Variants in CEP135 observed in about 807,000 individuals in gnomAD.
CEP135 encodes centrosomal protein of 135 kDa.
In CEP135, 142 loss-of-function variants were observed where a neutral mutation model predicts 157.3. That is an observed-to-expected ratio of 0.90 (90% confidence interval 0.79 to 1.04). CEP135 has a LOEUF of 1.04. Among genes scored for constraint, CEP135 ranks in the 50% least tolerant of loss-of-function variants. CEP135 has a pLI of 0.00. For synonymous variants in CEP135, 396 were observed against 439.8 expected, an observed-to-expected ratio of 0.90 and a Z score of 1.25; for missense variants, 1,317 against 1,309.2, an observed-to-expected ratio of 1.01 and a Z score of -0.09.
intron 24 of CEP135, among the ~76,000 whole-genome samples, chr4:56,022,213 C>T (rs1226029539): frequency 6.6e-6 from 1 of 152,200 alleles, no homozygotes; most frequent in East Asian, 1.9e-4. Context: ...AAATCAAGCT[C>T]TCTATTGCCC....
At chr4:55,967,180 T>TGTAA (rs1728870525) in intron 8 of CEP135, among the ~76,000 whole-genome samples, 1 of 152,122 alleles carries the variant, frequency 6.6e-6, no homozygotes, top group African/African-American at 2.4e-5. Context: ...TTCCTGTAAC[T>TGTAA]GTAAGGTTCA....
chr4:55,980,807 C>T (rs1380570886), intron 12 of CEP135, among the ~76,000 whole-genome samples: 1 of 152,104 alleles, frequency 6.6e-6, no homozygotes. Flanking sequence ...GTTCACATAC[C>T]CATCTCCCAT....
chr4:55,976,593 T>C lies in CEP135; in HGVS notation c.1473+1624T>C, dbSNP rs61112573. On this transcript the variant is annotated intron_variant, in intron 11 of 25. Transcript: ENST00000257287. ...AAACTTTTCTCCCCTTCAACTTATT[T>C]ACATTCTTGAAGTTATAATGGTACC... is the stretch of plus-strand genomic sequence containing the variant. Among the ~76,000 whole-genome samples the C allele has an allele frequency of 7.7e-3, 1,176 of 152,316 alleles. 14 individuals carry two copies. Among genetic ancestry groups the C allele is most frequent in the African/African-American group, 0.024 (1,005 of 41,554 alleles).
chr4:56,021,454 T>A (rs1296882836), intron 24 of CEP135, among the ~76,000 whole-genome samples: 1 of 152,180 alleles, frequency 6.6e-6, no homozygotes, highest in South Asian at 2.1e-4. Context: ...TTGCTTTACG[T>A]TGAAAAATTT....
intron 25 of CEP135, among the ~76,000 whole-genome samples, chr4:56,026,746 T>A (rs1731171537): frequency 6.6e-6 from 1 of 152,274 alleles, no homozygotes; most frequent in Admixed American, 6.5e-5. Flanking sequence ...CAGGATGCAT[T>A]TGACTGAGGA....
intron 25 of CEP135, among the ~76,000 whole-genome samples, chr4:56,029,922 A>G (rs1395285394): frequency 6.6e-6 from 1 of 152,202 alleles, no homozygotes; most frequent in Non-Finnish European, 1.5e-5. Flanking sequence ...GTTCACTGCT[A>G]TAGACTTTAT....
Position 56,008,327 on chromosome 4 carries a change from G to A in CEP135, c.2281G>A (p.Glu761Lys), listed in dbSNP as rs776089289. 6.2e-7 allele frequency: 1 copy of A among 1,606,296 alleles called. No homozygotes were observed. The highest frequency in any genetic ancestry group is 1.7e-5 in the Admixed American group (1 of 59,102). The change falls in exon 18 of 26, where the codon GAA (glutamate) becomes AAA (lysine). Residue 761 changes from glutamate to lysine, a missense_variant and splice_region_variant. Coordinates refer to ENST00000257287, the MANE Select transcript of CEP135 (RefSeq NM_025009.5). ...TTACACATTTTTGTAATTTCTATAG[G>A]AAAAAGCTGTTGCTCAAATGAAGAT... ...ANLQENLANK[E>K]KAVAQMKIMI... is the part of the protein sequence containing the mutation.
At chr4:55,958,958 G>T (rs1577865849) in intron 5 of CEP135, among the ~76,000 whole-genome samples, 1 of 152,144 alleles carries the variant, frequency 6.6e-6, no homozygotes, top group Admixed American at 6.5e-5. Flanking sequence ...GGTGGCATGT[G>T]CCTGTGGTCC....
rs777292803 is a variant in CEP135, at chr4:55,953,170, G to A, written c.199G>A (p.Val67Ile). 6 of 1,608,726 alleles carry A rather than the reference G, an allele frequency of 3.7e-6. No individual in the cohort carries two copies. In the South Asian group the frequency reaches 4.5e-5, roughly 12 times the overall value. The change falls in exon 3 of 26, where the codon GTT (valine) becomes ATT (isoleucine). Residue 67 changes from valine (V) to isoleucine (I), a missense_variant. Transcript: ENST00000257287. The stretch of plus-strand genomic sequence containing the variant: ...AAAAGAAAGTGCCAATTTTGATTTT[G>A]TTTTGGAACCCTATAAACTTGAAAA... ...AEKESANFDF[V>I]LEPYKLENAR...
At chr4:55,959,078 C>G (rs1053887001) in intron 5 of CEP135, among the ~76,000 whole-genome samples, 4 of 151,932 alleles carry the variant, frequency 2.6e-5, no homozygotes, top group Non-Finnish European at 5.9e-5. Context: ...TAGGAAGGCC[C>G]TGTCTCAAAA....
At chr4:55,977,246 T>C (rs1729254564) in intron 11 of CEP135, among the ~76,000 whole-genome samples, 1 of 152,218 alleles carries the variant, frequency 6.6e-6, no homozygotes, top group South Asian at 2.1e-4. Context: ...TTAGGCACAG[T>C]GTTGGGATTG....
At chr4:56,021,138 C>A (rs2109747778) in intron 24 of CEP135, among the ~76,000 whole-genome samples, 1 of 152,174 alleles carries the variant, frequency 6.6e-6, no homozygotes, top group Non-Finnish European at 1.5e-5. Flanking sequence ...AGAGAAGCAA[C>A]AACAATCCCT....
chr4:55,960,149 A>G (rs539863610), intron 6 of CEP135: 3 of 286,336 alleles, frequency 1.0e-5, no homozygotes, highest in Non-Finnish European at 1.9e-5. Flanking sequence ...ATATAATTTT[A>G]TAACCATATT....
intron 17 of CEP135, among the ~76,000 whole-genome samples, chr4:56,006,858 T>C (rs1209838682): frequency 6.6e-6 from 1 of 152,106 alleles, no homozygotes; most frequent in East Asian, 1.9e-4. Context: ...AGTTATTTAC[T>C]CCAGTCTTCT....
chr4:55,987,128 A>AT (rs946374644), intron 14 of CEP135, among the ~76,000 whole-genome samples: 4 of 151,738 alleles, frequency 2.6e-5, no homozygotes, highest in Non-Finnish European at 5.9e-5. Context: ...TCTTGGAGTA[A>AT]TTTTTTTTCA....
At chr4:55,964,189 A>G in intron 6 of CEP135, 85 bp from the exon 7 acceptor site, 2 of 1,328,734 alleles carry the variant, frequency 1.5e-6, no homozygotes, top group East Asian at 2.3e-5. Flanking sequence ...ACATAAGAAA[A>G]TATATCCAAA....
chr4:56,017,855 AG>A lies in CEP135; in HGVS notation c.3012+1del. The A allele has an allele frequency of 6.2e-7, 1 of 1,610,728 alleles. No individual in the cohort carries two copies. Among genetic ancestry groups the A allele is most frequent in the African/African-American group, 1.3e-5 (1 of 74,890 alleles). On this transcript the variant is annotated frameshift_variant and splice_region_variant, in exon 22 of 26. Coordinates refer to ENST00000257287, the MANE Select transcript of CEP135 (RefSeq NM_025009.5). LOFTEE classifies it high-confidence loss of function. ...GAATTCGAAAAACCTTGAGTTTGAG[AG>A]GGTAAGAAAGATAAATTGTCTTGGC... The part of the protein sequence containing the change: ...QLNSKNLEFE[R>X]VVVELENVKS...
chr4:55,964,171 A>T lies in CEP135; in HGVS notation c.700-103A>T, dbSNP rs542664122. Reference sequence around the variant, plus strand: ...AAATATGAATGTTAATCTCTTGCATACATTGGTACATAAGAAAATATATCC... The same window carrying T: ...AAATATGAATGTTAATCTCTTGCATTCATTGGTACATAAGAAAATATATCC... On this transcript the variant is annotated intron_variant, in intron 6 of 25. Transcript: ENST00000257287. 2.4e-4 allele frequency: 262 copies of T among 1,089,792 alleles called. 3 individuals are homozygous for T. In the African/African-American group the frequency reaches 3.8e-3, roughly 16 times the overall value. 67.5% of individuals were successfully genotyped at this position (1,089,792 alleles called of 1,614,324 possible).
chr4:56,030,815 A>G (rs912696419), intron 25 of CEP135, among the ~76,000 whole-genome samples: 2 of 152,136 alleles, frequency 1.3e-5, no homozygotes, highest in Non-Finnish European at 2.9e-5. Context: ...AAATACAGAG[A>G]TATATAAATA....
Sources: gnomAD v4.1 joint callset for allele counts (sites outside exome capture counted in the v4.1 genomes callset) on GRCh38, gnomAD v4.1.1 for gene constraint, MANE v1.5 for transcripts, NCBI Gene and HGNC (gene_info 2026-07-23, HGNC 2026-07-21) for gene names.